Variants in COL23A1 observed in about 807,000 individuals in gnomAD.
COL23A1 encodes collagen alpha-1(XXIII) chain.
A neutral mutation model predicts 99.3 loss-of-function variants in COL23A1; 97 were observed. The ratio of observed to expected loss-of-function variants is 0.98; its 90% CI spans 0.83 to 1.16. The LOEUF (loss-of-function observed/expected upper bound fraction) is 1.16. Among genes scored for constraint, COL23A1 ranks in the 50% most tolerant of loss-of-function variants. The pLI is 0.00. For missense variants in COL23A1, 762 were observed against 757.4 expected (o/e 1.01, Z -0.07); for synonymous variants, 320 against 308.2 (o/e 1.04, Z -0.40).
intron 2 of COL23A1, among the ~76,000 whole-genome samples, chr5:178,437,853 C>A (rs1338577799): frequency 6.6e-6 from 1 of 152,146 alleles, no homozygotes; most frequent in East Asian, 1.9e-4. Context: ...GACCCAGGAC[C>A]CCAACCAGCA....
Position 178,340,602 on chromosome 5 carries a change from G to A in COL23A1, c.362-33683C>T, listed in dbSNP as rs145466632. Among the ~76,000 whole-genome samples the A allele has an allele frequency of 1.2e-3, 184 of 152,358 alleles. No individual in the cohort carries two copies. In the Middle Eastern group the frequency reaches 0.027, roughly 23 times the overall value. ...ACGCAGAGGTCAGGAGTGGCCTGAA[G>A]TTCTCTCAGGAGAAGCTGATGGTCC... On this transcript the variant is annotated intron_variant, in intron 2 of 28. Transcript: ENST00000390654. This position sits in a 1 kb window ranked among gnomAD's most constrained non-coding sequence, Gnocchi z 4.7.
At chr5:178,485,361 G>T (rs978288185) in intron 2 of COL23A1, among the ~76,000 whole-genome samples, 3 of 151,988 alleles carry the variant, frequency 2.0e-5, no homozygotes, top group African/African-American at 7.3e-5. Context: ...TGTAGTCCCA[G>T]CTACTTGGCA....
At chr5:178,524,865 G>A (rs75848518) in intron 2 of COL23A1, among the ~76,000 whole-genome samples, 2,403 of 152,342 alleles carry the variant, frequency 0.016, 29 homozygotes, top group Non-Finnish European at 0.026. Context: ...CAGCAATGCA[G>A]TCATTCATTC....
chr5:178,268,773 G>T lies in COL23A1; in HGVS notation c.469-17C>A. ...TGGAAGTCCCTGGAAAAGGAAAGTG[G>T]AGAAAGAACAGACCTGAGTGAGGGG... On this transcript the variant is annotated splice_polypyrimidine_tract_variant and intron_variant, in intron 6 of 28. Transcript: ENST00000390654. 1.2e-6 allele frequency: 2 copies of T among 1,602,912 alleles called. No homozygotes were observed. Among genetic ancestry groups the T allele is most frequent in the African/African-American group, 1.3e-5 (1 of 74,940 alleles).
intron 2 of COL23A1, among the ~76,000 whole-genome samples, chr5:178,540,019 C>T (rs574149337): frequency 2.6e-5 from 4 of 152,258 alleles, no homozygotes; most frequent in African/African-American, 9.6e-5. Flanking sequence ...GTCATATGAT[C>T]ATCTCATAAA....
intron 2 of COL23A1, among the ~76,000 whole-genome samples, chr5:178,344,353 G>A (rs1296690150): frequency 5.9e-5 from 9 of 152,188 alleles, no homozygotes; most frequent in African/African-American, 1.9e-4. Flanking sequence ...AGAAAGGTCT[G>A]TGGCCGGGCG....
intron 5 of COL23A1, among the ~76,000 whole-genome samples, chr5:178,286,149 A>G (rs1021678086): frequency 1.3e-5 from 2 of 152,172 alleles, no homozygotes; most frequent in Non-Finnish European, 2.9e-5. Flanking sequence ...GAAGGCCATC[A>G]TGGGCTGTGA....
At chr5:178,578,823 A>C (rs1763524153) in intron 1 of COL23A1, among the ~76,000 whole-genome samples, 1 of 144,668 alleles carries the variant, frequency 6.9e-6, no homozygotes, top group African/African-American at 2.8e-5. Context: ...ATAAAAGCAG[A>C]CTTTTTTTTT....
chr5:178,586,514 A>G (rs1299223030), intron 1 of COL23A1, among the ~76,000 whole-genome samples: 1 of 152,194 alleles, frequency 6.6e-6, no homozygotes, highest in Non-Finnish European at 1.5e-5. Flanking sequence ...AGTCCAATCC[A>G]AAATGACAAA....
chr5:178,555,305 T>C (rs1323629707), intron 2 of COL23A1, among the ~76,000 whole-genome samples: 1 of 152,160 alleles, frequency 6.6e-6, no homozygotes, highest in African/African-American at 2.4e-5. Flanking sequence ...GATACGAATA[T>C]GGGAGGACAC....
In COL23A1 at chr5:178,443,424, T is replaced by C. The variant is rs1581400358; in HGVS notation, c.361+117258A>G. On this transcript the variant is annotated intron_variant, in intron 2 of 28. Coordinates refer to ENST00000390654, the MANE Select transcript of COL23A1 (RefSeq NM_173465.4). ...AAAGTTACGAAAAACGAAAATCTTC[T>C]TCTTCTGGGGATGTCCAGTTCTGTA... Among the ~76,000 whole-genome samples, 4 of 152,336 alleles carry C rather than the reference T, an allele frequency of 2.6e-5. No individual in the cohort carries two copies. In the Middle Eastern group the frequency reaches 0.01, roughly 389 times the overall value.
Position 178,544,903 on chromosome 5 carries a change from T to C in COL23A1, c.361+15779A>G, listed in dbSNP as rs1043370091. ...TGAGCAACACAGCAAACCCCGTCTC[T>C]AGAACAACAACAACAAAAAAAGAAA... On this transcript the variant is annotated intron_variant, in intron 2 of 28. Transcript: ENST00000390654. This position sits in a 1 kb window ranked among gnomAD's most constrained non-coding sequence, Gnocchi z 4.4. 5.3e-5 allele frequency among the ~76,000 whole-genome samples: 8 copies of C among 152,152 alleles called. No individual in the cohort carries two copies. The highest frequency in any genetic ancestry group is 1.0e-4 in the Non-Finnish European group (7 of 68,000).
intron 5 of COL23A1, among the ~76,000 whole-genome samples, chr5:178,274,405 T>TG (rs1234309888): frequency 6.6e-6 from 1 of 151,572 alleles, no homozygotes; most frequent in Non-Finnish European, 1.5e-5. Context: ...ATGCATGGGG[T>TG]GGGGGGCGTG....
chr5:178,260,776 A>G (rs1765583010), intron 11 of COL23A1, among the ~76,000 whole-genome samples: 1 of 152,192 alleles, frequency 6.6e-6, no homozygotes, highest in African/African-American at 2.4e-5. Context: ...CCTGGGCGAC[A>G]AGAGCAAGAC....
At chr5:178,567,571 T>G (rs573689739) in intron 1 of COL23A1, among the ~76,000 whole-genome samples, 17 of 152,096 alleles carry the variant, frequency 1.1e-4, no homozygotes, top group Non-Finnish European at 2.2e-4. Context: ...GGTGAAACCC[T>G]GTCTCTATTA....
intron 2 of COL23A1, among the ~76,000 whole-genome samples, chr5:178,368,033 G>A (rs1476399548): frequency 4.6e-5 from 7 of 152,204 alleles, no homozygotes; most frequent in Admixed American, 3.9e-4. Context: ...TGGAGGGGCA[G>A]GGAAGGACTG....
chr5:178,522,385 C>T (rs1033724514), intron 2 of COL23A1, among the ~76,000 whole-genome samples: 4 of 152,108 alleles, frequency 2.6e-5, no homozygotes, highest in African/African-American at 4.8e-5. Context: ...AGTCCCAGTC[C>T]GCACAGACAT....
intron 2 of COL23A1, among the ~76,000 whole-genome samples, chr5:178,527,568 C>T (rs976128655): frequency 1.3e-5 from 2 of 152,240 alleles, no homozygotes; most frequent in African/African-American, 2.4e-5. Context: ...CACAGCACCA[C>T]GTACAAACTG....
intron 2 of COL23A1, among the ~76,000 whole-genome samples, chr5:178,355,325 T>C (rs746243870): frequency 2.6e-5 from 4 of 152,170 alleles, no homozygotes; most frequent in Non-Finnish European, 2.9e-5. Flanking sequence ...ATCAAGGACT[T>C]GAGCAGTCCA....
Sources: allele counts gnomAD v4.1 joint callset (sites outside exome capture counted in the v4.1 genomes callset), GRCh38; gene constraint gnomAD v4.1.1; non-coding constraint Gnocchi (gnomAD v3.1); transcripts MANE v1.5; gene names NCBI Gene and HGNC (gene_info 2026-07-23, HGNC 2026-07-21).